SLC12A1: variants seen among roughly 807,000 people sequenced by gnomAD.
SLC12A1 encodes solute carrier family 12 member 1, also known as Na-K-2Cl cotransporter.
Under a neutral mutation model 130.4 loss-of-function variants are expected in SLC12A1, and 89 were observed. The ratio of observed to expected loss-of-function variants is 0.68; its 90% confidence interval spans 0.58 to 0.81. The LOEUF is 0.81. Among genes scored for constraint, SLC12A1 ranks in the 40% least tolerant of loss-of-function variants. SLC12A1 has a pLI of 0.00. For synonymous variants in SLC12A1, 499 were observed against 460.0 expected (o/e 1.08, Z -1.09); for missense variants, 1,310 against 1,336.4 (o/e 0.98, Z 0.31).
chr15:48,220,131 G>GTAGATAGATAGATAGA (rs71120609), intron 2 of SLC12A1, among the ~76,000 whole-genome samples: 6 of 105,758 alleles, frequency 5.7e-5, no homozygotes, highest in East Asian at 2.6e-4. Flanking sequence ...AAAAAAAAAG[G>GTAGATAGATAGATAGA]TAGATAGATA....
intron 25 of SLC12A1, among the ~76,000 whole-genome samples, chr15:48,300,909 C>T (rs1884064199): frequency 6.6e-6 from 1 of 152,166 alleles, no homozygotes; most frequent in Non-Finnish European, 1.5e-5. Context: ...TCTTTTTTAA[C>T]AGAAAACCTA....
intron 18 of SLC12A1, among the ~76,000 whole-genome samples, chr15:48,269,149 T>A (rs1292313615): frequency 1.3e-5 from 2 of 152,226 alleles, no homozygotes; most frequent in Non-Finnish European, 2.9e-5. Flanking sequence ...AGATGGCTAT[T>A]AATGATACTG....
In SLC12A1 at chr15:48,206,323, C is replaced by T. The variant is rs1161346390; in HGVS notation, c.-194C>T. The T allele has an allele frequency of 3.9e-5, 6 of 152,094 alleles. No homozygotes were observed. The highest frequency in any genetic ancestry group is 7.3e-5 in the Non-Finnish European group (5 of 68,038). 9.4% of individuals were successfully genotyped at this position (152,094 alleles called of 1,614,324 possible). The stretch of plus-strand genomic sequence containing the variant: ...GGTTACATTTCCTCAGAAGAAGGCT[C>T]CTTGGTGGTAAGTTGAACATTTCTG... On this transcript the variant is annotated 5_prime_UTR_variant, in exon 1 of 27. Coordinates refer to ENST00000380993, the MANE Select transcript of SLC12A1 (RefSeq NM_000338.3).
chr15:48,226,213 A>G (rs996712552), intron 4 of SLC12A1: 7 of 394,280 alleles, frequency 1.8e-5, no homozygotes, highest in African/African-American at 1.5e-4. Context: ...CTCTCCCAGG[A>G]CACCAGCATA....
chr15:48,255,703 G>C (rs2041699428), intron 15 of SLC12A1, 108 bp from the exon 16 acceptor site: 2 of 717,982 alleles, frequency 2.8e-6, no homozygotes, highest in Non-Finnish European at 4.7e-6. Flanking sequence ...ACTCATCTTT[G>C]CTGGCATAGC....
intron 13 of SLC12A1, among the ~76,000 whole-genome samples, chr15:48,249,324 T>C (rs1390601286): frequency 3.2e-3 from 22 of 6,984 alleles, no homozygotes; most frequent in Admixed American, 0.017. Context: ...CCATTGCCAC[T>C]TGAACTTTTT....
At chr15:48,288,941 A>G (rs924155960) in intron 23 of SLC12A1, among the ~76,000 whole-genome samples, 4 of 152,186 alleles carry the variant, frequency 2.6e-5, no homozygotes, top group Non-Finnish European at 4.4e-5. Context: ...TATGTAAAAG[A>G]GAACTAAATG....
Position 48,293,626 on chromosome 15 carries a change from A to G in SLC12A1, c.2960+1762A>G, listed in dbSNP as rs570309859. Among the ~76,000 whole-genome samples the G allele has an allele frequency of 1.1e-4, 16 of 152,332 alleles. No homozygotes were observed. The South Asian group carries it at 2.9e-3, about 28-fold the overall frequency. Reference sequence around the variant, plus strand: ...TTTATTGCTATTCTATATGAGCTTAATAACTAACTGAAAATTATTCCAATT... The same window carrying G: ...TTTATTGCTATTCTATATGAGCTTAGTAACTAACTGAAAATTATTCCAATT... On this transcript the variant is annotated intron_variant, in intron 24 of 26. Transcript: ENST00000380993.
intron 25 of SLC12A1, among the ~76,000 whole-genome samples, chr15:48,300,108 G>A (rs1268753377): frequency 6.6e-6 from 1 of 152,142 alleles, no homozygotes; most frequent in East Asian, 1.9e-4. Flanking sequence ...AAGGCGGGAG[G>A]ACTGCTTGAG....
rs77604701 is a variant in SLC12A1, at chr15:48,226,717, T to A, written c.724+146T>A. 9,053 of 664,110 alleles carry A rather than the reference T, an allele frequency of 0.014. 553 individuals are homozygous for A. The East Asian group carries it at 0.15, about 11-fold the overall frequency. 41.1% of individuals were successfully genotyped at this position (664,110 alleles called of 1,614,324 possible). ...GAGGAGCTGGATGCCAAAGAAAACC[T>A]AAGGTACGATGAGAATAGTCCAGGT... On this transcript the variant is annotated intron_variant, in intron 5 of 26. Coordinates refer to ENST00000380993, the MANE Select transcript of SLC12A1 (RefSeq NM_000338.3).
intron 14 of SLC12A1, among the ~76,000 whole-genome samples, chr15:48,249,970 T>C (rs1469967553): frequency 6.6e-6 from 1 of 152,206 alleles, no homozygotes; most frequent in African/African-American, 2.4e-5. Flanking sequence ...CACCACTATT[T>C]ATTTCCAGGG....
chr15:48,207,150 T>A (rs2040991787), intron 1 of SLC12A1, among the ~76,000 whole-genome samples: 1 of 152,210 alleles, frequency 6.6e-6, no homozygotes, highest in Non-Finnish European at 1.5e-5. Flanking sequence ...ATCAAAATAC[T>A]TTGCAGTTTC....
chr15:48,278,607 A>G (rs1226922872), intron 20 of SLC12A1, among the ~76,000 whole-genome samples: 2 of 152,214 alleles, frequency 1.3e-5, no homozygotes, highest in African/African-American at 4.8e-5. Context: ...CATAGACCTG[A>G]CTTTGAGGGC....
At chr15:48,280,763 A>C (rs1184045892) in intron 20 of SLC12A1, among the ~76,000 whole-genome samples, 3 of 151,784 alleles carry the variant, frequency 2.0e-5, no homozygotes, top group East Asian at 1.9e-4. Context: ...TCTGTCCTCT[A>C]TCTGCCCCTT....
In SLC12A1 at chr15:48,234,792, T is replaced by C. The variant is rs2041420743; in HGVS notation, c.1088-85T>C. 7.6e-6 allele frequency: 10 copies of C among 1,311,718 alleles called. No individual in the cohort carries two copies. In the Admixed American group the frequency reaches 1.9e-4, roughly 24 times the overall value. 81.3% of individuals were successfully genotyped at this position (1,311,718 alleles called of 1,614,324 possible). ...TAGAATATAGGAATGTATTTTCATT[T>C]AGGACTAGGGAAGCCAATGGTAACT... On this transcript the variant is annotated intron_variant, in intron 8 of 26. Coordinates refer to ENST00000380993, the MANE Select transcript of SLC12A1 (RefSeq NM_000338.3).
intron 10 of SLC12A1, 77 bp from the exon 11 acceptor site, chr15:48,244,676 T>C (rs1156236400): frequency 9.6e-6 from 14 of 1,453,858 alleles, no homozygotes; most frequent in Non-Finnish European, 1.2e-5. Flanking sequence ...AGTCTCAAAG[T>C]AAACTACGTT....
intron 2 of SLC12A1, among the ~76,000 whole-genome samples, chr15:48,208,663 T>C (rs895285776): frequency 6.6e-6 from 1 of 152,228 alleles, no homozygotes; most frequent in African/African-American, 2.4e-5. Context: ...TAACTCTAAA[T>C]GTTAGGCAAT....
chr15:48,242,941 C>T (rs1286866045), intron 10 of SLC12A1, among the ~76,000 whole-genome samples: 4 of 152,090 alleles, frequency 2.6e-5, no homozygotes, highest in Non-Finnish European at 5.9e-5. Context: ...AGTTAAATTT[C>T]CCGAGTGGTT....
chr15:48,243,852 T>C (rs1224440275), intron 10 of SLC12A1, among the ~76,000 whole-genome samples: 2 of 152,208 alleles, frequency 1.3e-5, no homozygotes, highest in African/African-American at 2.4e-5. Flanking sequence ...TATTGGTTGG[T>C]ATTTAGTTTG....
Sources: allele counts gnomAD v4.1 joint callset (sites outside exome capture counted in the v4.1 genomes callset), GRCh38; gene constraint gnomAD v4.1.1; transcripts MANE v1.5; gene names NCBI Gene and HGNC (gene_info 2026-07-23, HGNC 2026-07-21).